The following TNRC18 variants were observed in gnomAD, a reference collection of about 807,000 sequenced individuals.
TNRC18 encodes trinucleotide repeat containing 18, also known as trinucleotide repeat-containing gene 18 protein.
In TNRC18, 69 loss-of-function variants were observed where a neutral mutation model predicts 226.7. The ratio of observed to expected loss-of-function variants is 0.30; its 90% CI spans 0.25 to 0.37. TNRC18 has a LOEUF of 0.37. TNRC18 is among the 10% of genes least tolerant of loss of function. TNRC18 has a pLI of 1.00. For synonymous variants in TNRC18, 2,449 were observed against 1,927.6 expected, an observed-to-expected ratio of 1.27 and a Z score of -7.09; for missense variants, 4,754 against 4,256.6, an observed-to-expected ratio of 1.12 and a Z score of -3.25.
At chr7:5,386,388 C>A (rs1223356012) in intron 5 of TNRC18, among the ~76,000 whole-genome samples, 1 of 151,978 alleles carries the variant, frequency 6.6e-6, no homozygotes, top group African/African-American at 2.4e-5. Context: ...ACCAGCCTGG[C>A]CAACATGGCA....
Position 5,312,913 on chromosome 7 carries a change from A to C in TNRC18, c.7978T>G (p.Ser2660Ala). ...SSSSSSSSSS[S>A]SSSSSSSSSS... The stretch of plus-strand genomic sequence containing the variant: ...GAGGAGGAAGAGGAGGAGGAGGAGG[A>C]GGATGAGGACGAGGAAGAGGAGGAG... Residue 2660 changes from serine (S) to alanine (A), a missense_variant, in exon 27 of 30, where the codon TCC (serine) becomes GCC (alanine). By Grantham distance (99) the Ser-to-Ala change is moderately conservative. Coordinates refer to ENST00000430969, the MANE Select transcript of TNRC18 (RefSeq NM_001080495.3). The surrounding 1 kb of genome is among the most constrained non-coding windows in gnomAD (Gnocchi z 6.3). 6.6e-7 allele frequency: 1 copy of C among 1,507,040 alleles called. No individual in the cohort carries two copies. The highest frequency in any genetic ancestry group is 2.4e-5 in the East Asian group (1 of 41,040). 93.4% of individuals were successfully genotyped at this position (1,507,040 alleles called of 1,614,324 possible). A position where few individuals can be genotyped will look rare whatever the true frequency, so the allele number is the denominator to read the frequency against.
At chr7:5,362,511 C>T in intron 12 of TNRC18, 139 bp downstream of exon 12, 1 of 791,108 alleles carries the variant, frequency 1.3e-6, no homozygotes, top group Non-Finnish European at 1.9e-6. Flanking sequence ...CACAGCACAT[C>T]AGCACAAGGA....
Position 5,377,406 on chromosome 7 carries a change from C to T in TNRC18, c.2426G>A (p.Gly809Asp), listed in dbSNP as rs981476507. The T allele has an allele frequency of 2.0e-6, 3 of 1,525,456 alleles. No individual in the cohort carries two copies. Among genetic ancestry groups the T allele is most frequent in the African/African-American group, 2.8e-5 (2 of 72,004 alleles). The allele number at this position is 1,525,456 out of a possible 1,614,324, so 94.5% of individuals were successfully genotyped here. A position where few individuals can be genotyped will look rare whatever the true frequency, so the allele number is the denominator to read the frequency against. The change falls in exon 7 of 30, where the codon GGC (glycine) becomes GAC (aspartate). Residue 809 changes from glycine to aspartate, a missense_variant. Transcript: ENST00000430969. This position sits in a 1 kb window ranked among gnomAD's most constrained non-coding sequence, Gnocchi z 5.8. Reference sequence around the variant, plus strand: ...TCCAGCGAGCCACATGGATGCGTTGCCCGAGCGGGGCAACCAGGGGTGCGT... The same window carrying T: ...TCCAGCGAGCCACATGGATGCGTTGTCCGAGCGGGGCAACCAGGGGTGCGT... ...LATHPWLPRSGNASMWLAGHP... is the reference protein window; with the variant it reads ...LATHPWLPRSDNASMWLAGHP...
At chr7:5,366,515 G>T (rs781725445) in intron 11 of TNRC18, among the ~76,000 whole-genome samples, 60 of 151,656 alleles carry the variant, frequency 4.0e-4, no homozygotes, top group Non-Finnish European at 7.7e-4. Flanking sequence ...GTAGAGATGG[G>T]GTTTCCCCAT....
Position 5,374,499 on chromosome 7 carries a change from G to C in TNRC18, c.2800-15C>G, listed in dbSNP as rs1346894567. On this transcript the variant is annotated splice_polypyrimidine_tract_variant and intron_variant, in intron 9 of 29. Coordinates refer to ENST00000430969, the MANE Select transcript of TNRC18 (RefSeq NM_001080495.3). ...AACCGCTCCTGCTGGGAAGGGGCCG[G>C]CAGGCAGGGTCAGCACGGCACGAGT... 1 of 1,540,494 alleles carries C rather than the reference G, an allele frequency of 6.5e-7. No homozygotes were observed. Among genetic ancestry groups the C allele is most frequent in the Admixed American group, 2.0e-5 (1 of 50,538 alleles).
At chr7:5,322,551 C>CA (rs1038124001) in intron 21 of TNRC18, among the ~76,000 whole-genome samples, 11 of 152,220 alleles carry the variant, frequency 7.2e-5, no homozygotes, top group African/African-American at 2.7e-4. Context: ...CTCGGCCCCC[C>CA]AAAGCACTGG....
rs958451801 is a variant in TNRC18, at chr7:5,324,160, C to T, written c.6442+54G>A. The T allele has an allele frequency of 1.0e-5, 16 of 1,533,948 alleles. No homozygotes were observed. Among genetic ancestry groups the T allele is most frequent in the Non-Finnish European group, 1.3e-5 (15 of 1,142,922 alleles). On this transcript the variant is annotated intron_variant, in intron 21 of 29. Transcript: ENST00000430969. This position sits in a 1 kb window ranked among gnomAD's most constrained non-coding sequence, Gnocchi z 4.8. ...CAAGCCTTGCTCAGATCTGCCTCCC[C>T]CAAGGGAGGCTCCAGCAGCCCCGCC... is the stretch of plus-strand genomic sequence containing the variant.
In TNRC18 at chr7:5,389,465, T is replaced by TTTTGTTTTTTTTTTGTTTTTTTTTG. The variant is rs1562602210; in HGVS notation, c.488-130_488-129insCAAAAAAAAACAAAAAAAAAACAAA. On this transcript the variant is annotated intron_variant, in intron 4 of 29. Coordinates refer to ENST00000430969, the MANE Select transcript of TNRC18 (RefSeq NM_001080495.3). ...TCCCCCAGTGTTTTGGTTTTGGTTT[T>TTTTGTTTTTTTTTTGTTTTTTTTTG]TTTTTTCAGAAAGAGTCTCGCTCTC... 2.7e-6 allele frequency: 3 copies of TTTTGTTTTTTTTTTGTTTTTTTTTG among 1,093,766 alleles called. No homozygotes were observed. The African/African-American group carries it at 5.6e-5, about 20-fold the overall frequency. The allele number at this position is 1,093,766 out of a possible 1,614,324, so 67.8% of individuals were successfully genotyped here. A position where few individuals can be genotyped will look rare whatever the true frequency, so the allele number is the denominator to read the frequency against.
chr7:5,320,943 C>T, intron 22 of TNRC18, 130 bp downstream of exon 22: 1 of 705,830 alleles, frequency 1.4e-6, no homozygotes, highest in Non-Finnish European at 2.4e-6. Context: ...TGAGCCCACT[C>T]ATGCCCCTGC....
intron 23 of TNRC18, 42 bp from the exon 24 acceptor site, chr7:5,320,468 T>C (rs527240456): frequency 4.5e-6 from 7 of 1,566,258 alleles, no homozygotes; most frequent in African/African-American, 4.1e-5. Context: ...GACACAGTTA[T>C]GGCCATGGCC....
chr7:5,398,672 C>T (rs1228613028), intron 2 of TNRC18, among the ~76,000 whole-genome samples: 1 of 151,522 alleles, frequency 6.6e-6, no homozygotes, highest in Non-Finnish European at 1.5e-5. Flanking sequence ...GGCTGTAGTG[C>T]AGTGGCTCAA....
At position 5,335,746 on chromosome 7, in the gene TNRC18, G is replaced by A. The variant is rs1243705175; in HGVS notation, c.5720-2697C>T. 3.4e-5 allele frequency among the ~76,000 whole-genome samples: 5 copies of A among 148,368 alleles called. No individual in the cohort carries two copies. In the Admixed American group the frequency reaches 3.4e-4, roughly 10 times the overall value. ...CCCAGGGCTCAGCAAAAAGTGATCT[G>A]AACAGAGGCCAGAGATACCACCTAA... On this transcript the variant is annotated intron_variant, in intron 18 of 29. Transcript: ENST00000430969.
In TNRC18 at chr7:5,377,313, C is replaced by CCCCCCCCCCCCCCCCCCCCCCCCA; in HGVS notation, c.2461+57_2461+58insTGGGGGGGGGGGGGGGGGGGGGGG. The CCCCCCCCCCCCCCCCCCCCCCCCA allele has an allele frequency of 8.2e-7, 1 of 1,223,726 alleles. No individual in the cohort carries two copies. Among genetic ancestry groups the CCCCCCCCCCCCCCCCCCCCCCCCA allele is most frequent in the Non-Finnish European group, 1.1e-6 (1 of 884,898 alleles). The allele number at this position is 1,223,726 out of a possible 1,614,324, so 75.8% of individuals were successfully genotyped here. A position where few individuals can be genotyped will look rare whatever the true frequency, so the allele number is the denominator to read the frequency against. ...GCCAGCCCTGAGCTCTTGTCCTGCA[C>CCCCCCCCCCCCCCCCCCCCCCCCA]CCGCCCCCTCCCACCCCTCCCTCAG... is the stretch of plus-strand genomic sequence containing the variant. On this transcript the variant is annotated intron_variant, in intron 7 of 29. Transcript: ENST00000430969. The surrounding 1 kb of genome is among the most constrained non-coding windows in gnomAD (Gnocchi z 5.8).
At chr7:5,333,246 C>A (rs575899408) in intron 18 of TNRC18, among the ~76,000 whole-genome samples, 197 bp from the exon 19 acceptor site, 3 of 152,192 alleles carry the variant, frequency 2.0e-5, no homozygotes, top group Non-Finnish European at 1.5e-5. Context: ...CCTGTCCCTA[C>A]GCCGCCTCGG....
chr7:5,409,172 G>A (rs578260543), intron 2 of TNRC18, among the ~76,000 whole-genome samples: 92 of 151,582 alleles, frequency 6.1e-4, no homozygotes, highest in African/African-American at 2.2e-3. Context: ...TAAAGAAGGG[G>A]CACCTGAGAA....
chr7:5,357,284 G>C lies in TNRC18; in HGVS notation c.4834-8C>G, dbSNP rs890033488. 2 of 1,606,108 alleles carry C rather than the reference G, an allele frequency of 1.2e-6. No homozygotes were observed. The highest frequency in any genetic ancestry group is 2.7e-5 in the African/African-American group (2 of 74,910). The stretch of plus-strand genomic sequence containing the variant: ...CTTCTTCTTAATCTTTAGCTGGAGA[G>C]GGAAGGTGGGTCATGGGTTAAAAGA... On this transcript the variant is annotated splice_region_variant and splice_polypyrimidine_tract_variant and intron_variant, in intron 15 of 29. Coordinates refer to ENST00000430969, the MANE Select transcript of TNRC18 (RefSeq NM_001080495.3).
At chr7:5,372,095 T>C (rs1022955465) in intron 10 of TNRC18, among the ~76,000 whole-genome samples, 1 of 150,346 alleles carries the variant, frequency 6.7e-6, no homozygotes, top group African/African-American at 2.5e-5. Flanking sequence ...TGAGACGCAG[T>C]CTCGCTCTGT....
intron 18 of TNRC18, among the ~76,000 whole-genome samples, chr7:5,340,535 G>C (rs548892044): frequency 6.6e-6 from 1 of 151,814 alleles, no homozygotes; most frequent in South Asian, 2.1e-4. Flanking sequence ...TCAGGAGTTC[G>C]AGACCAGCCT....
intron 5 of TNRC18, among the ~76,000 whole-genome samples, chr7:5,378,968 C>T (rs926747739): frequency 6.6e-6 from 1 of 150,464 alleles, no homozygotes; most frequent in Non-Finnish European, 1.5e-5. Context: ...GGGGGCGGGG[C>T]GGATCACCTG....
Sources: gnomAD v4.1 joint callset for allele counts (sites outside exome capture counted in the v4.1 genomes callset) on GRCh38, gnomAD v4.1.1 for gene constraint, Gnocchi (gnomAD v3.1) non-coding constraint, MANE v1.5 for transcripts, NCBI Gene and HGNC (gene_info 2026-07-23, HGNC 2026-07-21) for gene names.